Variants in ESRRG observed in about 807,000 individuals in gnomAD.
ESRRG encodes estrogen-related receptor gamma.
A neutral mutation model predicts 44.0 loss-of-function variants in ESRRG; 13 were observed. That is an observed-to-expected ratio of 0.30 (90% CI 0.19 to 0.47). ESRRG has a LOEUF of 0.47. Among genes scored for constraint, ESRRG ranks in the 20% least tolerant of loss-of-function variants. The pLI, the probability that ESRRG is intolerant of heterozygous loss-of-function variation, is 1.00. For missense variants in ESRRG, 395 were observed against 580.6 expected (o/e 0.68, Z 3.29); for synonymous variants, 215 against 214.6 (o/e 1.00, Z -0.02).
chr1:216,515,990 A>T (rs989790021), intron 6 of ESRRG, among the ~76,000 whole-genome samples: 5 of 152,106 alleles, frequency 3.3e-5, no homozygotes, highest in African/African-American at 1.2e-4. Context: ...TTATAGAATC[A>T]TAGAATTCCA....
chr1:216,528,833 G>A (rs189332160), intron 5 of ESRRG, among the ~76,000 whole-genome samples: 91 of 152,104 alleles, frequency 6.0e-4, no homozygotes, highest in Non-Finnish European at 1.1e-3. Flanking sequence ...TACATAAGGC[G>A]TCCCCTTCTC....
intron 1 of ESRRG, among the ~76,000 whole-genome samples, chr1:216,705,347 G>T (rs187236606): frequency 8.9e-5 from 13 of 146,062 alleles, no homozygotes; most frequent in Non-Finnish European, 2.0e-4. Context: ...TTTATATCTA[G>T]TAAGGAAAAA....
chr1:216,600,726 A>G (rs562800056), intron 3 of ESRRG, among the ~76,000 whole-genome samples: 1 of 152,312 alleles, frequency 6.6e-6, no homozygotes, highest in South Asian at 2.1e-4. Flanking sequence ...CATTTATCTG[A>G]AGTCCTGTGA....
At chr1:216,774,847 G>A (rs973173698) in intron 2 of ESRRG, among the ~76,000 whole-genome samples, 1 of 127,062 alleles carries the variant, frequency 7.9e-6, no homozygotes, top group African/African-American at 3.1e-5. Context: ...AGGCTGGAGT[G>A]CTGGAGTGCA....
At chr1:216,693,320 T>C (rs1354956897) in intron 1 of ESRRG, among the ~76,000 whole-genome samples, 1 of 152,154 alleles carries the variant, frequency 6.6e-6, no homozygotes, top group African/African-American at 2.4e-5. Context: ...AAAATAGGGA[T>C]GGGGTCTTGC....
rs114419901 is a variant in ESRRG at position 216,578,743 on chromosome 1, A to T, written c.590-10645T>A. Among the ~76,000 whole-genome samples the T allele has an allele frequency of 7.2e-5, 11 of 152,272 alleles. 1 individual carries two copies. The highest frequency in any genetic ancestry group is 1.5e-4 in the Non-Finnish European group (10 of 67,998). On this transcript the variant is annotated intron_variant, in intron 3 of 6. Coordinates refer to ENST00000408911, the MANE Select transcript of ESRRG (RefSeq NM_001438.4). ...AAAAAACAGCAGAGATTACGAGAGA[A>T]AAATATAAGTTCTGTAGAAATTCAG...
chr1:216,872,499 G>T (rs2096272632), intron 2 of ESRRG, among the ~76,000 whole-genome samples: 1 of 151,898 alleles, frequency 6.6e-6, no homozygotes. Flanking sequence ...TCTCAGTCTG[G>T]TTTTTCTCTG....
At chr1:216,884,648 C>T (rs2096492101) in intron 2 of ESRRG, among the ~76,000 whole-genome samples, 1 of 152,182 alleles carries the variant, frequency 6.6e-6, no homozygotes, top group Non-Finnish European at 1.5e-5. Context: ...TAGTCTAGGA[C>T]AAGACAACTT....
chr1:216,910,376 A>G (rs1376698880), intron 2 of ESRRG, among the ~76,000 whole-genome samples: 1 of 152,114 alleles, frequency 6.6e-6, no homozygotes, highest in Non-Finnish European at 1.5e-5. Context: ...CTCAGCCACT[A>G]ATTATTTTTA....
chr1:216,857,929 A>C (rs951873391), intron 2 of ESRRG, among the ~76,000 whole-genome samples: 1 of 152,190 alleles, frequency 6.6e-6, no homozygotes, highest in Non-Finnish European at 1.5e-5. Flanking sequence ...ATAAGGAGAA[A>C]TAAAATAAGT....
chr1:216,768,463 T>TATCA (rs1260622530), intron 2 of ESRRG, among the ~76,000 whole-genome samples: 1 of 146,086 alleles, frequency 6.8e-6, no homozygotes, highest in East Asian at 2.0e-4. Context: ...TCTATCTATC[T>TATCA]ATCTATCTAT....
At chr1:216,976,286 A>ATGTGTG (rs61142800) in intron 1 of ESRRG, among the ~76,000 whole-genome samples, 5,162 of 146,904 alleles carry the variant, frequency 0.035, 159 homozygotes, top group East Asian at 0.12. Context: ...ATGCTCCTAA[A>ATGTGTG]TGTGTGTGTG....
intron 1 of ESRRG, among the ~76,000 whole-genome samples, chr1:217,024,910 A>G (rs899414043): frequency 6.6e-6 from 1 of 152,208 alleles, no homozygotes; most frequent in African/African-American, 2.4e-5. Flanking sequence ...TTAGCAGCAG[A>G]GATATACTTT....
chr1:216,867,804 C>T (rs912013254), intron 2 of ESRRG, among the ~76,000 whole-genome samples: 2 of 152,012 alleles, frequency 1.3e-5, no homozygotes, highest in African/African-American at 4.8e-5. Flanking sequence ...TTTTGGTGTA[C>T]AGCCCTATGA....
intron 3 of ESRRG, among the ~76,000 whole-genome samples, chr1:216,570,661 A>G (rs529555173): frequency 6.6e-6 from 1 of 152,322 alleles, no homozygotes; most frequent in Admixed American, 6.5e-5. Context: ...TTTGTCATCC[A>G]ATTCCAACCC....
intron 3 of ESRRG, among the ~76,000 whole-genome samples, chr1:216,627,134 G>A (rs770607472): frequency 2.0e-5 from 3 of 152,150 alleles, no homozygotes; most frequent in Admixed American, 6.6e-5. Context: ...GATTTGATAC[G>A]GAGAGCCTTG....
chr1:216,768,631 T>C (rs1027265877), intron 2 of ESRRG, among the ~76,000 whole-genome samples: 8 of 152,074 alleles, frequency 5.3e-5, no homozygotes, highest in African/African-American at 1.9e-4. Flanking sequence ...CTAGGACTAC[T>C]GGCATGCGCC....
intron 6 of ESRRG, among the ~76,000 whole-genome samples, chr1:216,517,974 G>A (rs926325478): frequency 9.9e-5 from 15 of 152,066 alleles, no homozygotes; most frequent in Non-Finnish European, 2.1e-4. Context: ...AAGGATTCAT[G>A]CATCAATATT....
intron 1 of ESRRG, among the ~76,000 whole-genome samples, chr1:216,703,829 T>G (rs999322598): frequency 2.0e-5 from 3 of 152,028 alleles, no homozygotes; most frequent in Non-Finnish European, 2.9e-5. Context: ...GGGATAAACT[T>G]CAGTCTTGCC....
Sources: gnomAD v4.1 joint callset for allele counts (sites outside exome capture counted in the v4.1 genomes callset) on GRCh38, gnomAD v4.1.1 for gene constraint, MANE v1.5 for transcripts, NCBI Gene and HGNC (gene_info 2026-07-23, HGNC 2026-07-21) for gene names.